The following GPC6 variants were observed in gnomAD, a reference collection of about 807,000 sequenced individuals.
GPC6 encodes the protein glypican-6.
A neutral mutation model predicts 55.2 loss-of-function variants in GPC6; 14 were observed. That is an observed-to-expected ratio of 0.25 (90% confidence interval 0.17 to 0.40). GPC6 has a LOEUF of 0.40. Ranked by LOEUF, GPC6 falls within the 10% of genes least tolerant of loss-of-function variation. GPC6 has a pLI of 1.00. For missense variants in GPC6, 641 were observed against 708.5 expected (o/e 0.90, Z 1.08); for synonymous variants, 278 against 259.6 (o/e 1.07, Z -0.68).
chr13:93,368,960 G>A (rs1881359121), intron 1 of GPC6, among the ~76,000 whole-genome samples: 1 of 152,012 alleles, frequency 6.6e-6, no homozygotes, highest in Admixed American at 6.6e-5. Flanking sequence ...AATATATGGT[G>A]ATTGAGGTTT....
intron 1 of GPC6, among the ~76,000 whole-genome samples, chr13:93,364,696 T>TAC (rs150594973): frequency 0.15 from 21,921 of 145,702 alleles, 1,822 homozygotes; most frequent in East Asian, 0.41. Context: ...TATATATATA[T>TAC]ACACACACAC....
chr13:94,137,008 C>T (rs770295116), intron 4 of GPC6, among the ~76,000 whole-genome samples: 3 of 151,986 alleles, frequency 2.0e-5, no homozygotes, highest in Admixed American at 6.6e-5. Flanking sequence ...ATTGGATTTG[C>T]GGGCAAAGGA....
At chr13:93,644,919 AC>A (rs1880110456) in intron 2 of GPC6, among the ~76,000 whole-genome samples, 1 of 152,174 alleles carries the variant, frequency 6.6e-6, no homozygotes, top group South Asian at 2.1e-4. Flanking sequence ...CACTGATTAA[AC>A]ACACAGCCAG....
intron 2 of GPC6, among the ~76,000 whole-genome samples, chr13:93,819,455 T>G (rs140133254): frequency 6.6e-6 from 1 of 152,318 alleles, no homozygotes; most frequent in African/African-American, 2.4e-5. Context: ...CTGGGAATGA[T>G]TTTAAGTTAC....
chr13:93,724,347 T>A (rs1883554773), intron 2 of GPC6, among the ~76,000 whole-genome samples: 1 of 152,150 alleles, frequency 6.6e-6, no homozygotes, highest in South Asian at 2.1e-4. Flanking sequence ...CTTCTGAATT[T>A]ACTGTGACTC....
chr13:93,691,928 C>G (rs1882272176), intron 2 of GPC6, among the ~76,000 whole-genome samples: 2 of 151,942 alleles, frequency 1.3e-5, no homozygotes, highest in Admixed American at 6.6e-5. Flanking sequence ...GAGAGAACAA[C>G]TAATATATAT....
intron 4 of GPC6, among the ~76,000 whole-genome samples, chr13:94,137,429 T>C (rs1365433037): frequency 6.6e-6 from 1 of 151,894 alleles, no homozygotes; most frequent in Non-Finnish European, 1.5e-5. Flanking sequence ...TCTAGCAGAG[T>C]GCAATGAGGA....
At chr13:93,936,611 G>A (rs1349909305) in intron 3 of GPC6, among the ~76,000 whole-genome samples, 1 of 151,944 alleles carries the variant, frequency 6.6e-6, no homozygotes, top group Non-Finnish European at 1.5e-5. Flanking sequence ...CTCAAATATT[G>A]GTTTTGAACA....
chr13:93,239,440 C>A (rs1876354899), intron 1 of GPC6, among the ~76,000 whole-genome samples: 2 of 151,472 alleles, frequency 1.3e-5, no homozygotes, highest in South Asian at 4.2e-4. Flanking sequence ...TACAAAAGAT[C>A]ATCTCAGATC....
chr13:93,578,370 T>C (rs1028741975), intron 2 of GPC6, among the ~76,000 whole-genome samples: 3 of 150,880 alleles, frequency 2.0e-5, no homozygotes, highest in South Asian at 2.1e-4. Flanking sequence ...CCTTTCAGTC[T>C]TGTTATTTAT....
chr13:94,195,252 T>C (rs1173971224), intron 4 of GPC6, among the ~76,000 whole-genome samples: 1 of 152,166 alleles, frequency 6.6e-6, no homozygotes, highest in Non-Finnish European at 1.5e-5. Context: ...TTCTTCCTAG[T>C]TAGGGCTTGT....
chr13:94,113,463 A>G (rs926286541), intron 4 of GPC6, among the ~76,000 whole-genome samples: 9 of 152,044 alleles, frequency 5.9e-5, no homozygotes, highest in African/African-American at 2.2e-4. Flanking sequence ...ATTCACTCTA[A>G]TGACTTTGAT....
At chr13:93,340,334 C>G (rs867005771) in intron 1 of GPC6, among the ~76,000 whole-genome samples, 26 of 151,922 alleles carry the variant, frequency 1.7e-4, no homozygotes, top group African/African-American at 5.1e-4. Context: ...GTGCCCGGCC[C>G]AAAAGTTTTC....
intron 4 of GPC6, among the ~76,000 whole-genome samples, chr13:94,222,694 T>C (rs781571956): frequency 6.6e-6 from 1 of 152,144 alleles, no homozygotes; most frequent in Non-Finnish European, 1.5e-5. Flanking sequence ...AACTAGACTA[T>C]GAATTAAAAT....
At chr13:93,759,319 C>T (rs971403819) in intron 2 of GPC6, among the ~76,000 whole-genome samples, 3 of 152,160 alleles carry the variant, frequency 2.0e-5, no homozygotes, top group African/African-American at 7.2e-5. Context: ...CACAGAGTAG[C>T]TGTGTTTTGA....
intron 6 of GPC6, among the ~76,000 whole-genome samples, chr13:94,343,391 T>G (rs1878135221): frequency 6.6e-6 from 1 of 152,286 alleles, no homozygotes; most frequent in East Asian, 1.9e-4. Flanking sequence ...TCTCATTTCA[T>G]GGGGCTGATC....
At position 93,227,182 on chromosome 13, in the gene GPC6, T is replaced by G; in HGVS notation, c.-275T>G. On this transcript the variant is annotated 5_prime_UTR_variant, in exon 1 of 9. Transcript: ENST00000377047. This position sits in a 1 kb window ranked among gnomAD's most constrained non-coding sequence, Gnocchi z 4.3. ...ACACTTCTTTTCCTTCTCTTCCTCG[T>G]TTTGATTGCACCGTTTCCATCTGGG... 6 of 337,158 alleles carry G rather than the reference T, an allele frequency of 1.8e-5. No individual in the cohort carries two copies. The highest frequency in any genetic ancestry group is 2.1e-5 in the African/African-American group (1 of 47,532). The allele number at this position is 337,158 out of a possible 1,614,324, so 20.9% of individuals were successfully genotyped here.
At chr13:94,187,551 T>C (rs2138956950) in intron 4 of GPC6, among the ~76,000 whole-genome samples, 1 of 152,194 alleles carries the variant, frequency 6.6e-6, no homozygotes, top group East Asian at 1.9e-4. Context: ...TAATCCAACA[T>C]CCCCCAAATT....
chr13:94,004,074 G>A (rs1881918216), intron 3 of GPC6, among the ~76,000 whole-genome samples: 1 of 152,010 alleles, frequency 6.6e-6, no homozygotes, highest in South Asian at 2.1e-4. Context: ...CATTTCATTG[G>A]CAAAATTGCA....
Sources: allele counts gnomAD v4.1 joint callset (sites outside exome capture counted in the v4.1 genomes callset), GRCh38; gene constraint gnomAD v4.1.1; non-coding constraint Gnocchi (gnomAD v3.1); transcripts MANE v1.5; gene names NCBI Gene and HGNC (gene_info 2026-07-23, HGNC 2026-07-21).